Variants in ZNRF2 observed in about 807,000 individuals in gnomAD.
ZNRF2 encodes the protein zinc and ring finger 2, also known as E3 ubiquitin-protein ligase ZNRF2.
In ZNRF2, 16 loss-of-function variants were observed where a neutral mutation model predicts 20.4. The observed-to-expected ratio is 0.79, with a 90% CI of 0.53 to 1.19. ZNRF2 has a LOEUF of 1.19. Ranked by LOEUF, ZNRF2 falls within the 50% of genes most tolerant of loss-of-function variation. The pLI is 0.00. For synonymous variants in ZNRF2, 178 were observed against 144.9 expected, an observed-to-expected ratio of 1.23 and a Z score of -1.64; for missense variants, 363 against 332.4, an observed-to-expected ratio of 1.09 and a Z score of -0.72.
intron 1 of ZNRF2, among the ~76,000 whole-genome samples, chr7:30,294,674 C>T (rs1041895978): frequency 1.3e-5 from 2 of 151,808 alleles, no homozygotes; most frequent in African/African-American, 4.8e-5. Context: ...TCCCAGCTTA[C>T]TAGGGGGTGC....
chr7:30,364,962 C>G (rs774190858), intron 4 of ZNRF2, among the ~76,000 whole-genome samples: 1 of 152,038 alleles, frequency 6.6e-6, no homozygotes, highest in Non-Finnish European at 1.5e-5. Context: ...TGTGTGTCCT[C>G]ACGTGGTGGG....
chr7:30,365,527 A>G (rs1221361644), intron 4 of ZNRF2, among the ~76,000 whole-genome samples: 1 of 152,138 alleles, frequency 6.6e-6, no homozygotes, highest in Non-Finnish European at 1.5e-5. Flanking sequence ...CTTGACTTGT[A>G]CATTTTTGCT....
At chr7:30,301,246 G>T (rs1032086269) in intron 1 of ZNRF2, among the ~76,000 whole-genome samples, 1 of 152,164 alleles carries the variant, frequency 6.6e-6, no homozygotes, top group Non-Finnish European at 1.5e-5. Flanking sequence ...ACTTTGGGAG[G>T]CAGAGGTGGG....
At position 30,362,188 on chromosome 7, in the gene ZNRF2, TTTTC is replaced by T. The variant is rs1173164159; in HGVS notation, c.672-186_672-183del. Among the ~76,000 whole-genome samples the T allele has an allele frequency of 9.2e-5, 14 of 152,320 alleles. No homozygotes were observed. The East Asian group carries it at 1.2e-3, about 13-fold the overall frequency. On this transcript the variant is annotated intron_variant, in intron 3 of 4. Coordinates refer to ENST00000323037, the MANE Select transcript of ZNRF2 (RefSeq NM_147128.4). Reference sequence around the variant, plus strand: ...TTATAGCATAATTTTGCAAAGGTTTTTTTCTTAATCGCTTAGAATCAAAATATAA... The same window carrying T: ...TTATAGCATAATTTTGCAAAGGTTTTTTAATCGCTTAGAATCAAAATATAA...
intron 1 of ZNRF2, among the ~76,000 whole-genome samples, chr7:30,292,501 T>C (rs1798930120): frequency 6.6e-6 from 1 of 151,974 alleles, no homozygotes; most frequent in African/African-American, 2.4e-5. Context: ...TTGGGAGAGA[T>C]AGTAAACAGA....
intron 1 of ZNRF2, among the ~76,000 whole-genome samples, chr7:30,320,286 TATAA>T (rs1467880310): frequency 3.3e-5 from 5 of 152,096 alleles, no homozygotes; most frequent in African/African-American, 7.2e-5. Context: ...TACATACATT[TATAA>T]ATAAATCTAC....
intron 1 of ZNRF2, among the ~76,000 whole-genome samples, chr7:30,291,577 G>T (rs1469991776): frequency 6.6e-6 from 1 of 152,210 alleles, no homozygotes; most frequent in Non-Finnish European, 1.5e-5. Context: ...TGATAGAATT[G>T]ACCTGGGTAC....
intron 4 of ZNRF2, among the ~76,000 whole-genome samples, chr7:30,362,753 A>G (rs985250360): frequency 2.0e-5 from 3 of 152,140 alleles, no homozygotes; most frequent in African/African-American, 7.2e-5. Context: ...TGTCTCTACT[A>G]AAAATACAAA....
At chr7:30,293,859 A>T (rs946995401) in intron 1 of ZNRF2, among the ~76,000 whole-genome samples, 1 of 152,232 alleles carries the variant, frequency 6.6e-6, no homozygotes. Context: ...TTTGAATTTC[A>T]TAAGTTCCGA....
At chr7:30,354,940 T>C (rs1200297269) in intron 2 of ZNRF2, among the ~76,000 whole-genome samples, 1 of 152,214 alleles carries the variant, frequency 6.6e-6, no homozygotes, top group East Asian at 1.9e-4. Flanking sequence ...GAATATAATT[T>C]AAATTTTCAG....
At chr7:30,340,173 T>C (rs1458867350) in intron 2 of ZNRF2, among the ~76,000 whole-genome samples, 2 of 152,220 alleles carry the variant, frequency 1.3e-5, no homozygotes, top group Non-Finnish European at 2.9e-5. Flanking sequence ...TTTCTAAATA[T>C]ACAATCATGT....
intron 1 of ZNRF2, among the ~76,000 whole-genome samples, chr7:30,321,220 A>G (rs1220496274): frequency 6.6e-6 from 1 of 151,742 alleles, no homozygotes. Context: ...GGACCTCGGG[A>G]TCTGTTTTTT....
chr7:30,314,999 G>T lies in ZNRF2; in HGVS notation c.470-8643G>T, dbSNP rs180834466. Among the ~76,000 whole-genome samples, 356 of 152,072 alleles carry T rather than the reference G, an allele frequency of 2.3e-3. 4 individuals carry two copies. Among genetic ancestry groups the T allele is most frequent in the African/African-American group, 8.2e-3 (339 of 41,470 alleles). On this transcript the variant is annotated intron_variant, in intron 1 of 4. Transcript: ENST00000323037. ...GTCTGGCTAATTTTTTGTATTTTTA[G>T]TAGAGATGGGGTTTCACCATGTTAG...
intron 1 of ZNRF2, among the ~76,000 whole-genome samples, chr7:30,314,294 A>G (rs1799332834): frequency 6.6e-6 from 1 of 152,170 alleles, no homozygotes; most frequent in Non-Finnish European, 1.5e-5. Context: ...TATTTTCTAT[A>G]CATTTTATGG....
chr7:30,360,097 A>G (rs576041814), intron 3 of ZNRF2, among the ~76,000 whole-genome samples: 4 of 152,328 alleles, frequency 2.6e-5, no homozygotes, highest in South Asian at 2.1e-4. Flanking sequence ...ACCTCTACAT[A>G]TATGCCCTAG....
intron 1 of ZNRF2, among the ~76,000 whole-genome samples, chr7:30,315,254 G>GT (rs1346964841): frequency 6.6e-6 from 1 of 152,024 alleles, no homozygotes; most frequent in Admixed American, 6.6e-5. Flanking sequence ...GTATTTGTTT[G>GT]TTTTTTGCCA....
chr7:30,299,117 AT>A (rs60728583), intron 1 of ZNRF2, among the ~76,000 whole-genome samples: 1,749 of 152,242 alleles, frequency 0.011, 31 homozygotes, highest in African/African-American at 0.039. Flanking sequence ...AGAAATAATA[AT>A]TCACTCCTAT....
intron 1 of ZNRF2, among the ~76,000 whole-genome samples, chr7:30,310,073 A>G (rs1039001325): frequency 2.6e-5 from 4 of 152,194 alleles, no homozygotes; most frequent in African/African-American, 9.6e-5. Flanking sequence ...CCAGGAAAAA[A>G]TAACAGTAGC....
Position 30,330,627 on chromosome 7 carries a change from G to C in ZNRF2, c.565+6890G>C, listed in dbSNP as rs1481731703. On this transcript the variant is annotated intron_variant, in intron 2 of 4. Coordinates refer to ENST00000323037, the MANE Select transcript of ZNRF2 (RefSeq NM_147128.4). ...ATATAATCTGGTCTTCCAGGGAGTT[G>C]AGGTACTATTATAAGTTATAAGCCT... Among the ~76,000 whole-genome samples, 6 of 152,192 alleles carry C rather than the reference G, an allele frequency of 3.9e-5. 1 individual carries two copies. The South Asian group carries it at 1.0e-3, about 26-fold the overall frequency.
Sources: allele counts gnomAD v4.1 joint callset (sites outside exome capture counted in the v4.1 genomes callset), GRCh38; gene constraint gnomAD v4.1.1; transcripts MANE v1.5; gene names NCBI Gene and HGNC (gene_info 2026-07-23, HGNC 2026-07-21).